Variants in RBFOX1 observed in about 807,000 individuals in gnomAD.
The protein encoded by RBFOX1 is RNA binding protein fox-1 homolog 1.
A neutral mutation model predicts 57.7 loss-of-function variants in RBFOX1; 8 were observed. The ratio of observed to expected loss-of-function variants is 0.14; its 90% CI spans 0.08 to 0.25. The LOEUF is 0.25. Among genes scored for constraint, RBFOX1 ranks in the 10% least tolerant of loss-of-function variants. The pLI, the probability that RBFOX1 is intolerant of heterozygous loss-of-function variation, is 1.00. For missense variants in RBFOX1, 611 were observed against 548.5 expected (o/e 1.11, Z -1.14); for synonymous variants, 326 against 222.4 (o/e 1.47, Z -4.15).
Position 5,980,522 on chromosome 16 carries a change from C to T in RBFOX1, c.351+113187C>T, listed in dbSNP as rs570420236. Among the ~76,000 whole-genome samples, 19 of 152,208 alleles carry T rather than the reference C, an allele frequency of 1.2e-4. No homozygotes were observed. In the Middle Eastern group the frequency reaches 0.017, roughly 136 times the overall value. On this transcript the variant is annotated intron_variant, in intron 4 of 19. Coordinates refer to the RBFOX1 transcript ENST00000641259. ...CAGTTTTTATTGGCTACCTGTGGGG[C>T]AATGAGCAGTGATCCTCCGCATTCT...
At chr16:6,367,111 C>G (rs1021753851) in intron 2 of RBFOX1, among the ~76,000 whole-genome samples, 1 of 152,140 alleles carries the variant, frequency 6.6e-6, no homozygotes, top group African/African-American at 2.4e-5. Flanking sequence ...AGTTCCACCT[C>G]GATGCAGGTG....
chr16:6,209,369 C>T (rs1312921676), intron 1 of RBFOX1, among the ~76,000 whole-genome samples: 1 of 148,764 alleles, frequency 6.7e-6, no homozygotes, highest in Non-Finnish European at 1.5e-5. Context: ...CCCTGCCCAC[C>T]TTCAGAGAAA....
rs563734504 is a variant in RBFOX1, at chr16:6,869,888, C to T, written c.-15-182169C>T. Among the ~76,000 whole-genome samples, 37 of 152,198 alleles carry T rather than the reference C, an allele frequency of 2.4e-4. No individual in the cohort carries two copies. In the South Asian group the frequency reaches 4.8e-3, roughly 20 times the overall value. On this transcript the variant is annotated intron_variant, in intron 3 of 15. Transcript: ENST00000550418. ...TCTGTTCAGAACGTATATGTCTCCC[C>T]GCAGTAAAAGCAATTCAAAGCCATA...
intron 4 of RBFOX1, among the ~76,000 whole-genome samples, chr16:7,145,266 G>A (rs572662777): frequency 8.5e-5 from 13 of 152,158 alleles, no homozygotes; most frequent in Non-Finnish European, 1.3e-4. Flanking sequence ...GTGCAGTGGC[G>A]CAGTCTCAGT....
intron 2 of RBFOX1, among the ~76,000 whole-genome samples, chr16:6,531,664 G>A (rs2096659759): frequency 1.3e-5 from 2 of 152,068 alleles, no homozygotes; most frequent in South Asian, 4.1e-4. Context: ...TTGTCTAGTA[G>A]CCCTTGTCCT....
chr16:5,694,012 G>A (rs901478697), intron 3 of RBFOX1, among the ~76,000 whole-genome samples: 4 of 151,910 alleles, frequency 2.6e-5, no homozygotes, highest in Non-Finnish European at 5.9e-5. Flanking sequence ...ACACAGCTTC[G>A]GGGCATCAGA....
chr16:6,827,628 G>T (rs945520376), intron 3 of RBFOX1, among the ~76,000 whole-genome samples: 26 of 152,122 alleles, frequency 1.7e-4, no homozygotes, highest in African/African-American at 6.3e-4. Context: ...ATCCTTCACT[G>T]CTCAGCAGTC....
At chr16:5,912,588 A>G (rs139154172) in intron 4 of RBFOX1, among the ~76,000 whole-genome samples, 54 of 152,344 alleles carry the variant, frequency 3.5e-4, no homozygotes, top group African/African-American at 1.3e-3. Context: ...TTTTTACACA[A>G]GAACTTGGTA....
chr16:6,444,312 T>C (rs554514911), intron 2 of RBFOX1, among the ~76,000 whole-genome samples: 19 of 152,112 alleles, frequency 1.2e-4, no homozygotes, highest in Admixed American at 3.9e-4. Flanking sequence ...CAAAAGCCAA[T>C]GTTCCAAGCA....
At chr16:7,075,216 A>C (rs1196671562) in intron 4 of RBFOX1, among the ~76,000 whole-genome samples, 7 of 152,190 alleles carry the variant, frequency 4.6e-5, no homozygotes, top group Non-Finnish European at 1.0e-4. Context: ...TAGGGAATCC[A>C]CTTCTGGGTA....
intron 2 of RBFOX1, among the ~76,000 whole-genome samples, chr16:5,468,591 C>G (rs1006794175): frequency 6.6e-6 from 1 of 152,214 alleles, no homozygotes; most frequent in Non-Finnish European, 1.5e-5. Flanking sequence ...CTCAAACAAG[C>G]ACATGGACAC....
intron 4 of RBFOX1, among the ~76,000 whole-genome samples, chr16:7,189,448 A>AT (rs1233705389): frequency 5.6e-5 from 8 of 143,106 alleles, no homozygotes; most frequent in Admixed American, 4.1e-4. Flanking sequence ...AAAAAAAAAA[A>AT]GGAATCCTCA....
In RBFOX1 at chr16:5,529,623, A is replaced by T. The variant is rs147890252; in HGVS notation, c.258+62369A>T. ...CTCTTGTTGCTCAAGCTGGAGTGCA[A>T]TGGTGCAATTTTGGCTCACTGCAAT... On this transcript the variant is annotated intron_variant, in intron 2 of 2. Coordinates refer to the RBFOX1 transcript ENST00000585867. Among the ~76,000 whole-genome samples, 97 of 150,910 alleles carry T rather than the reference A, an allele frequency of 6.4e-4. No individual in the cohort carries two copies. The East Asian group carries it at 0.015, about 23-fold the overall frequency.
chr16:6,245,318 T>A (rs1039757882), intron 1 of RBFOX1, among the ~76,000 whole-genome samples: 7 of 152,216 alleles, frequency 4.6e-5, no homozygotes, highest in Non-Finnish European at 1.0e-4. Flanking sequence ...CTGAATACCT[T>A]GCCAAATACG....
intron 6 of RBFOX1, among the ~76,000 whole-genome samples, chr16:7,582,096 C>G (rs1257365173): frequency 6.7e-6 from 1 of 149,280 alleles, no homozygotes; most frequent in Non-Finnish European, 1.5e-5. Flanking sequence ...GTGGCATGAT[C>G]TCGGCTCATT....
chr16:5,664,988 A>G (rs2049785709), intron 3 of RBFOX1, among the ~76,000 whole-genome samples: 1 of 151,178 alleles, frequency 6.6e-6, no homozygotes, highest in African/African-American at 2.4e-5. Context: ...TCTGCCATTC[A>G]GGCTGGAGTA....
intron 4 of RBFOX1, among the ~76,000 whole-genome samples, chr16:7,452,599 C>T (rs2057585260): frequency 6.6e-6 from 1 of 152,142 alleles, no homozygotes; most frequent in Admixed American, 6.5e-5. Flanking sequence ...TTTATTCATG[C>T]ATGAAATGTA....
rs1022646880 is a variant in RBFOX1, at chr16:5,397,042, G to C, written c.220-70174G>C. ...GCTTATAGGGGCCATCCCTACCAAA[G>C]GTCATAATAGGCTCTGGGGAAGAGC... is the stretch of plus-strand genomic sequence containing the variant. On this transcript the variant is annotated intron_variant, in intron 1 of 2. Transcript: ENST00000585867. Among the ~76,000 whole-genome samples the C allele has an allele frequency of 2.0e-5, 3 of 152,262 alleles. No individual in the cohort carries two copies. The South Asian group carries it at 6.2e-4, about 32-fold the overall frequency.
chr16:6,874,852 A>G (rs1371535642), intron 3 of RBFOX1, among the ~76,000 whole-genome samples: 1 of 152,210 alleles, frequency 6.6e-6, no homozygotes, highest in Non-Finnish European at 1.5e-5. Flanking sequence ...CTCAGAAATG[A>G]CACCCAATGA....
Sources: gnomAD v4.1 joint callset for allele counts (sites outside exome capture counted in the v4.1 genomes callset) on GRCh38, gnomAD v4.1.1 for gene constraint, MANE v1.5 for transcripts, NCBI Gene and HGNC (gene_info 2026-07-23, HGNC 2026-07-21) for gene names.